Variants in EBF4 observed in about 807,000 individuals in gnomAD.
EBF4 encodes transcription factor COE4.
In EBF4, 34 loss-of-function variants were observed where a neutral mutation model predicts 67.1. That is an observed-to-expected ratio of 0.51 (90% CI 0.39 to 0.67). The LOEUF (loss-of-function observed/expected upper bound fraction) is 0.67, where lower values mean the gene tolerates loss of function less well. EBF4 is among the 30% of genes least tolerant of loss of function. The pLI is 0.00. For synonymous variants in EBF4, 387 were observed against 377.7 expected, an observed-to-expected ratio of 1.02 and a Z score of -0.29; for missense variants, 837 against 873.3, an observed-to-expected ratio of 0.96 and a Z score of 0.52.
At chr20:2,711,734 C>T (rs1286259729) in intron 6 of EBF4, among the ~76,000 whole-genome samples, 1 of 151,990 alleles carries the variant, frequency 6.6e-6, no homozygotes, top group Non-Finnish European at 1.5e-5. Flanking sequence ...CACGGGCTTA[C>T]AATCTGGTAG....
chr20:2,734,092 A>G (rs2087848470), intron 6 of EBF4, among the ~76,000 whole-genome samples: 1 of 152,156 alleles, frequency 6.6e-6, no homozygotes, highest in African/African-American at 2.4e-5. Flanking sequence ...TTCTATGAAC[A>G]TATTTATAAT....
At position 2,751,861 on chromosome 20, in the gene EBF4, G is replaced by A; in HGVS notation, c.1108-61G>A. ...AAGGGGGTGAGGAGGGGCTCCCGAG[G>A]GCCCCTTGGTCGCCCCCAGGGGCTG... is the stretch of plus-strand genomic sequence containing the variant. On this transcript the variant is annotated intron_variant, in intron 11 of 16. Coordinates refer to ENST00000609451, the Ensembl canonical transcript of EBF4. The surrounding 1 kb of genome is among the most constrained non-coding windows in gnomAD (Gnocchi z 5.2). 6.5e-7 allele frequency: 1 copy of A among 1,536,792 alleles called. No individual in the cohort carries two copies. Among genetic ancestry groups the A allele is most frequent in the Non-Finnish European group, 8.8e-7 (1 of 1,136,206 alleles).
At chr20:2,697,209 C>A (rs867505828) in intron 1 of EBF4, among the ~76,000 whole-genome samples, 2 of 152,032 alleles carry the variant, frequency 1.3e-5, no homozygotes, top group African/African-American at 4.8e-5. Context: ...CTAAGATCAG[C>A]GAGGGAGGCT....
In EBF4 at chr20:2,705,785, CCACACACACACACACACACA is replaced by C. The variant is rs71193988; in HGVS notation, c.294+86_294+105del. 1.9e-3 allele frequency: 1,427 copies of C among 752,312 alleles called. 2 individuals are homozygous for C. Among genetic ancestry groups the C allele is most frequent in the African/African-American group, 0.011 (575 of 54,550 alleles). The allele number at this position is 752,312 out of a possible 1,614,324, so 46.6% of individuals were successfully genotyped here. ...ACTGGCCCCGGGAGGGAACCCCCAA[CCACACACACACACACACACA>C]CACACACACACACACACACACACAC... On this transcript the variant is annotated intron_variant, in intron 2 of 16. Transcript: ENST00000609451.
chr20:2,702,508 G>C (rs565009435), intron 1 of EBF4, among the ~76,000 whole-genome samples: 1 of 152,088 alleles, frequency 6.6e-6, no homozygotes, highest in East Asian at 1.9e-4. Flanking sequence ...TGCCTCCTAA[G>C]TCAGCATTTC....
intron 3 of EBF4, 55 bp downstream of exon 3, chr20:2,706,092 G>A (rs2087453797): frequency 6.5e-7 from 1 of 1,548,578 alleles, no homozygotes; most frequent in Non-Finnish European, 8.7e-7. Flanking sequence ...GGGCACTGCA[G>A]CATCATGCGA....
rs1001009915 is a variant in EBF4 at position 2,694,000 on chromosome 20, G to C, written c.137+218G>C. 1.3e-5 allele frequency among the ~76,000 whole-genome samples: 2 copies of C among 152,210 alleles called. No individual in the cohort carries two copies. Among genetic ancestry groups the C allele is most frequent in the Non-Finnish European group, 2.9e-5 (2 of 68,032 alleles). On this transcript the variant is annotated intron_variant, in intron 1 of 16. Coordinates refer to ENST00000609451, the Ensembl canonical transcript of EBF4. The surrounding 1 kb of genome is among the most constrained non-coding windows in gnomAD (Gnocchi z 4.6). ...TTCTGCCTCCACTCCGGGCTGCCCCGGTAGATTTCTGACGGCCGCTCGCGG... is the reference window on the plus strand; with the variant it reads ...TTCTGCCTCCACTCCGGGCTGCCCCCGTAGATTTCTGACGGCCGCTCGCGG...
In EBF4 at chr20:2,755,517, C is replaced by A; in HGVS notation, c.1541-110C>A. On this transcript the variant is annotated intron_variant, in intron 14 of 16. Coordinates refer to ENST00000609451, the Ensembl canonical transcript of EBF4. The surrounding 1 kb of genome is among the most constrained non-coding windows in gnomAD (Gnocchi z 4.7). ...TGAGATCTGAGCCTGGTACCTGTGT[C>A]AGCAGCCCATGTGGGGCCCCAGCCA... 1.5e-6 allele frequency: 1 copy of A among 653,042 alleles called. No individual in the cohort carries two copies. The highest frequency in any genetic ancestry group is 2.7e-5 in the East Asian group (1 of 36,800). 40.5% of individuals were successfully genotyped at this position (653,042 alleles called of 1,614,324 possible).
intron 6 of EBF4, among the ~76,000 whole-genome samples, chr20:2,743,015 T>C (rs1015964876): frequency 1.3e-5 from 2 of 152,256 alleles, no homozygotes; most frequent in East Asian, 3.9e-4. Context: ...TCCATGTGTG[T>C]GTCTCCCTCC....
At chr20:2,706,744 G>A (rs2087464814) in intron 4 of EBF4, among the ~76,000 whole-genome samples, 1 of 152,212 alleles carries the variant, frequency 6.6e-6, no homozygotes. Context: ...TTTCAGACCA[G>A]GCAGTTCCTG....
chr20:2,705,522 A>G (rs1029856349), intron 1 of EBF4, 55 bp from the exon 2 acceptor site: 1 of 1,550,752 alleles, frequency 6.4e-7, no homozygotes. Flanking sequence ...GAGGCGCTGG[A>G]GTCTTTCTCA....
At chr20:2,700,720 T>TACCCCCA (rs201188811) in intron 1 of EBF4, among the ~76,000 whole-genome samples, 16,744 of 152,210 alleles carry the variant, frequency 0.11, 990 homozygotes, top group Admixed American at 0.14. Flanking sequence ...GAGCATCAGC[T>TACCCCCA]TGTAATCAGC....
chr20:2,742,286 G>C (rs1568583537), intron 6 of EBF4, among the ~76,000 whole-genome samples: 2 of 152,308 alleles, frequency 1.3e-5, no homozygotes, highest in Admixed American at 6.5e-5. Flanking sequence ...AGACCGACAC[G>C]ACCTGGGGGA....
In EBF4 at chr20:2,711,148, A is replaced by AAATAATAATAATAAT. The variant is rs144765250; in HGVS notation, c.557+1524_557+1538dup. 2.8e-3 allele frequency among the ~76,000 whole-genome samples: 415 copies of AAATAATAATAATAAT among 146,826 alleles called. 2 individuals are homozygous for AAATAATAATAATAAT. The highest frequency in any genetic ancestry group is 0.01 in the African/African-American group (403 of 39,662). On this transcript the variant is annotated intron_variant, in intron 6 of 16. Coordinates refer to ENST00000609451, the Ensembl canonical transcript of EBF4. ...GGGCAACAGAGTGAGACCCTGTCTA[A>AAATAATAATAATAAT]AATAATAATAATAATAATAATAATA... is the stretch of plus-strand genomic sequence containing the variant.
At chr20:2,722,952 T>G (rs780093316) in intron 6 of EBF4, among the ~76,000 whole-genome samples, 8 of 152,236 alleles carry the variant, frequency 5.3e-5, no homozygotes, top group Non-Finnish European at 1.2e-4. Flanking sequence ...ACATGTCCAT[T>G]AAATCAAGAT....
Position 2,745,767 on chromosome 20 carries a change from G to A in EBF4, c.558-2782G>A, listed in dbSNP as rs1406299490. Among the ~76,000 whole-genome samples, 3 of 152,172 alleles carry A rather than the reference G, an allele frequency of 2.0e-5. No homozygotes were observed. The highest frequency in any genetic ancestry group is 4.4e-5 in the Non-Finnish European group (3 of 68,022). On this transcript the variant is annotated intron_variant, in intron 6 of 16. Coordinates refer to ENST00000609451, the Ensembl canonical transcript of EBF4. This position sits in a 1 kb window ranked among gnomAD's most constrained non-coding sequence, Gnocchi z 5.2. Reference sequence around the variant, plus strand: ...TCGCTACTCTCCCTTCATGGGTGTGGAAGGATTTACCTACCCCGGGTCATG... The same window carrying A: ...TCGCTACTCTCCCTTCATGGGTGTGAAAGGATTTACCTACCCCGGGTCATG...
rs746914014 is a variant in EBF4 at position 2,751,399 on chromosome 20, G to A, written c.1019-301G>A. Among the ~76,000 whole-genome samples, 6 of 152,150 alleles carry A rather than the reference G, an allele frequency of 3.9e-5. No individual in the cohort carries two copies. The highest frequency in any genetic ancestry group is 8.8e-5 in the Non-Finnish European group (6 of 68,040). On this transcript the variant is annotated intron_variant, in intron 10 of 16. Coordinates refer to ENST00000609451, the Ensembl canonical transcript of EBF4. This position sits in a 1 kb window ranked among gnomAD's most constrained non-coding sequence, Gnocchi z 5.2. ...AGGACTATAACTCATATGTGTATAC[G>A]GTTTCCCTTTTTTCTAATCACAAAT...
chr20:2,723,412 GCA>G (rs916955521), intron 6 of EBF4, among the ~76,000 whole-genome samples: 16 of 152,018 alleles, frequency 1.1e-4, no homozygotes, highest in African/African-American at 3.6e-4. Flanking sequence ...GTGCAGTGGC[GCA>G]ATCTCGGCTC....
chr20:2,752,184 C>T lies in EBF4; in HGVS notation c.1272C>T (p.His424=), dbSNP rs552138509. Residue 424 remains histidine, a synonymous_variant, in exon 13 of 17, where the codon CAC becomes CAT. Coordinates refer to ENST00000609451, the Ensembl canonical transcript of EBF4. The stretch of plus-strand genomic sequence containing the variant: ...CACCCCTGGCCCCGAGCCACCCACA[C>T]CCCGCCGTCGTGGGCATCAACGCCT... 2,151 of 1,431,948 alleles carry T rather than the reference C, an allele frequency of 1.5e-3. 50 individuals are homozygous for T. The African/African-American group carries it at 0.029, about 19-fold the overall frequency. The allele number at this position is 1,431,948 out of a possible 1,614,324, so 88.7% of individuals were successfully genotyped here.
Sources: allele counts gnomAD v4.1 joint callset (sites outside exome capture counted in the v4.1 genomes callset), GRCh38; gene constraint gnomAD v4.1.1; non-coding constraint Gnocchi (gnomAD v3.1); transcripts MANE v1.5; gene names NCBI Gene and HGNC (gene_info 2026-07-23, HGNC 2026-07-21).